The following PRTFDC1 variants were observed in gnomAD, a reference collection of about 807,000 sequenced individuals.
The protein encoded by PRTFDC1 is phosphoribosyl transferase domain containing 1, also known as phosphoribosyltransferase domain-containing protein 1.
Under a neutral mutation model 34.6 loss-of-function variants are expected in PRTFDC1, and 38 were observed. That is an observed-to-expected ratio of 1.10 (90% CI 0.85 to 1.44). PRTFDC1 has a LOEUF of 1.44. Ranked by LOEUF, PRTFDC1 falls within the 40% of genes most tolerant of loss-of-function variation. The pLI is 0.00. For missense variants in PRTFDC1, 270 were observed against 283.0 expected (o/e 0.95, Z 0.33); for synonymous variants, 93 against 98.1 (o/e 0.95, Z 0.31).
chr10:24,855,332 C>T lies in PRTFDC1; in HGVS notation c.539G>A (p.Gly180Asp). The part of the protein sequence containing the change: ...LLVKRTSRSD[G>D]FRPDYAGFEI... Reference sequence around the variant, plus strand: ...AAAACACTTACAGTCAGGTCTAAAGCCGTCACTTCTGGATGTTCTCTTCAC... The same window carrying T: ...AAAACACTTACAGTCAGGTCTAAAGTCGTCACTTCTGGATGTTCTCTTCAC... The change falls in exon 7 of 9, where the codon GGC (glycine) becomes GAC (aspartate). Residue 180 changes from glycine to aspartate, a missense_variant. Coordinates refer to ENST00000320152, the MANE Select transcript of PRTFDC1 (RefSeq NM_020200.7). 3 of 1,613,976 alleles carry T rather than the reference C, an allele frequency of 1.9e-6. No individual in the cohort carries two copies. The highest frequency in any genetic ancestry group is 1.7e-6 in the Non-Finnish European group (2 of 1,179,948).
chr10:24,889,202 A>C (rs1848221547), intron 3 of PRTFDC1, among the ~76,000 whole-genome samples: 1 of 152,150 alleles, frequency 6.6e-6, no homozygotes, highest in Non-Finnish European at 1.5e-5. Context: ...AGGACACAGC[A>C]AGAAGGCACC....
At chr10:24,877,950 C>A (rs1847994865) in intron 3 of PRTFDC1, among the ~76,000 whole-genome samples, 1 of 151,300 alleles carries the variant, frequency 6.6e-6, no homozygotes, top group Non-Finnish European at 1.5e-5. Context: ...CTCCAATTTG[C>A]AAATGAAGAA....
chr10:24,905,061 C>G (rs544444792), intron 3 of PRTFDC1, among the ~76,000 whole-genome samples: 12 of 151,818 alleles, frequency 7.9e-5, no homozygotes, highest in Admixed American at 3.3e-4. Context: ...AATCCCAGCA[C>G]TTTGGAAGGC....
intron 3 of PRTFDC1, among the ~76,000 whole-genome samples, chr10:24,928,148 G>A (rs1848909940): frequency 6.6e-6 from 1 of 152,070 alleles, no homozygotes; most frequent in African/African-American, 2.4e-5. Context: ...TTTAGATTTA[G>A]TGAAATATGG....
At chr10:24,886,395 A>G (rs1042304882) in intron 3 of PRTFDC1, among the ~76,000 whole-genome samples, 9 of 152,188 alleles carry the variant, frequency 5.9e-5, no homozygotes, top group African/African-American at 1.9e-4. Flanking sequence ...ACAGCTGGGA[A>G]GTGATGTTGC....
intron 4 of PRTFDC1, chr10:24,867,711 C>G (rs1418989920): frequency 1.3e-5 from 2 of 151,706 alleles, no homozygotes; most frequent in East Asian, 1.9e-4. Flanking sequence ...TTCTTCAAAG[C>G]CGTCACCTAT....
intron 3 of PRTFDC1, among the ~76,000 whole-genome samples, chr10:24,874,036 T>C (rs1355866321): frequency 6.6e-6 from 1 of 151,584 alleles, no homozygotes; most frequent in Non-Finnish European, 1.5e-5. Flanking sequence ...ACCTCTCAAG[T>C]AGCTGGGACT....
intron 3 of PRTFDC1, among the ~76,000 whole-genome samples, chr10:24,902,646 A>G (rs1848467462): frequency 6.6e-6 from 1 of 152,214 alleles, no homozygotes. Flanking sequence ...CTTCAAACTT[A>G]GAGCAAAGAG....
At chr10:24,941,230 T>A (rs1849152120) in intron 2 of PRTFDC1, among the ~76,000 whole-genome samples, 1 of 147,532 alleles carries the variant, frequency 6.8e-6, no homozygotes, top group Non-Finnish European at 1.5e-5. Flanking sequence ...ATGTTTTTTA[T>A]TTTTTTGTAG....
At chr10:24,896,689 C>G (rs558464774) in intron 3 of PRTFDC1, among the ~76,000 whole-genome samples, 1 of 152,290 alleles carries the variant, frequency 6.6e-6, no homozygotes, top group Admixed American at 6.5e-5. Context: ...TGGTCAAGCA[C>G]TAAACACTCT....
At chr10:24,863,057 T>G (rs554047723) in intron 4 of PRTFDC1, among the ~76,000 whole-genome samples, 2 of 152,126 alleles carry the variant, frequency 1.3e-5, no homozygotes, top group South Asian at 4.2e-4. Flanking sequence ...TTTTGTATTT[T>G]TAGTAGAGAA....
intron 2 of PRTFDC1, among the ~76,000 whole-genome samples, chr10:24,942,003 C>T (rs887680374): frequency 1.3e-5 from 2 of 152,292 alleles, no homozygotes; most frequent in East Asian, 1.9e-4. Flanking sequence ...TATTTGATCA[C>T]GGAACGTCCC....
intron 3 of PRTFDC1, among the ~76,000 whole-genome samples, chr10:24,917,058 C>T (rs1261709680): frequency 6.6e-6 from 1 of 152,202 alleles, no homozygotes; most frequent in African/African-American, 2.4e-5. Context: ...CAGTAATTAG[C>T]TGCATTCATA....
chr10:24,911,649 C>T lies in PRTFDC1; in HGVS notation c.339+25535G>A, dbSNP rs148181112. 6.3e-3 allele frequency among the ~76,000 whole-genome samples: 952 copies of T among 151,746 alleles called. 8 individuals are homozygous for T. The highest frequency in any genetic ancestry group is 0.021 in the African/African-American group (880 of 41,388). On this transcript the variant is annotated intron_variant, in intron 3 of 8. Coordinates refer to ENST00000320152, the MANE Select transcript of PRTFDC1 (RefSeq NM_020200.7). ...TTGGGAGGCCCAGGCAGGTGGATCA[C>T]GAGGTCAGGAGACTGAGACCATCCT...
intron 1 of PRTFDC1, among the ~76,000 whole-genome samples, chr10:24,949,747 T>A (rs71491202): frequency 0.41 from 49,365 of 119,880 alleles, 8,544 homozygotes; most frequent in African/African-American, 0.5. Flanking sequence ...TTATTTTTTT[T>A]TTTTTTTTTA....
At position 24,851,411 on chromosome 10, in the gene PRTFDC1, T is replaced by C. The variant is rs775425629; in HGVS notation, c.607A>G (p.Asn203Asp). Reference protein sequence around the residue: ...LFVVGYALDYNEYFRDLNHIC... With the variant: ...LFVVGYALDYDEYFRDLNHIC... ...ACATTCAGATCTCTGAAGTATTCAT[T>C]GTAATCTAAGGCATATCCCACCACA... Residue 203 changes from asparagine to aspartate, a missense_variant, in exon 8 of 9, where the codon AAT (asparagine) becomes GAT (aspartate). Transcript: ENST00000320152. 2.5e-6 allele frequency: 4 copies of C among 1,612,712 alleles called. No homozygotes were observed. Among genetic ancestry groups the C allele is most frequent in the South Asian group, 1.1e-5 (1 of 90,768 alleles).
At chr10:24,861,939 G>A (rs1401475227) in intron 4 of PRTFDC1, among the ~76,000 whole-genome samples, 3 of 151,632 alleles carry the variant, frequency 2.0e-5, no homozygotes, top group South Asian at 2.1e-4. Context: ...GCGCCCAGCC[G>A]TGTATTCATT....
intron 3 of PRTFDC1, among the ~76,000 whole-genome samples, chr10:24,898,028 G>A (rs140973226): frequency 3.9e-5 from 6 of 152,288 alleles, no homozygotes; most frequent in Admixed American, 6.5e-5. Context: ...ATCACGGGAT[G>A]CTTACCAGCC....
In PRTFDC1 at chr10:24,909,996, C is replaced by CA. The variant is rs35102911; in HGVS notation, c.339+27187dup. The stretch of plus-strand genomic sequence containing the variant: ...GGAAACCCTGTCTCTATTAAAAATA[C>CA]AAAAAAAAAAAAAAAATAGCCAGGC... On this transcript the variant is annotated intron_variant, in intron 3 of 8. Coordinates refer to ENST00000320152, the MANE Select transcript of PRTFDC1 (RefSeq NM_020200.7). Among the ~76,000 whole-genome samples, 499 of 135,030 alleles carry CA rather than the reference C, an allele frequency of 3.7e-3. 1 individual carries two copies. Among genetic ancestry groups the CA allele is most frequent in the Admixed American group, 6.5e-3 (85 of 13,050 alleles). The allele number at this position is 135,030 out of a possible 152,430, so 88.6% of individuals were successfully genotyped here. A position where few individuals can be genotyped will look rare whatever the true frequency, so the allele number is the denominator to read the frequency against.
Sources: gnomAD v4.1 joint callset for allele counts (sites outside exome capture counted in the v4.1 genomes callset) on GRCh38, gnomAD v4.1.1 for gene constraint, MANE v1.5 for transcripts, NCBI Gene and HGNC (gene_info 2026-07-23, HGNC 2026-07-21) for gene names.